Variants in KSR2 observed in about 807,000 individuals in gnomAD.
The protein encoded by KSR2 is kinase suppressor of ras 2.
KSR2 carries 25 observed loss-of-function variants against 107.8 expected under a neutral mutation model. The observed-to-expected ratio is 0.23, with a 90% CI of 0.17 to 0.32. The LOEUF is 0.32. Ranked by LOEUF, KSR2 falls within the 10% of genes least tolerant of loss-of-function variation. The pLI, the probability that KSR2 is intolerant of heterozygous loss-of-function variation, is 1.00. For synonymous variants in KSR2, 480 were observed against 507.0 expected, an observed-to-expected ratio of 0.95 and a Z score of 0.71; for missense variants, 887 against 1,268.9, an observed-to-expected ratio of 0.70 and a Z score of 4.57.
At chr12:117,651,117 C>T (rs906371646) in intron 5 of KSR2, among the ~76,000 whole-genome samples, 2 of 152,052 alleles carry the variant, frequency 1.3e-5, no homozygotes, top group African/African-American at 4.8e-5. Flanking sequence ...ACCCTTTTTG[C>T]CAGAAGGAAC....
chr12:117,754,495 A>G (rs1414663879), intron 4 of KSR2, among the ~76,000 whole-genome samples: 1 of 152,088 alleles, frequency 6.6e-6, no homozygotes, highest in South Asian at 2.1e-4. Context: ...AAAATTAGCC[A>G]GGCGGCATGG....
At chr12:117,478,757 G>T (rs1871966502) in intron 16 of KSR2, among the ~76,000 whole-genome samples, 1 of 152,088 alleles carries the variant, frequency 6.6e-6, no homozygotes, top group Non-Finnish European at 1.5e-5. Context: ...TCCTAGCCCT[G>T]AACTTTTCAT....
At chr12:117,755,417 T>C (rs1276776059) in intron 4 of KSR2, among the ~76,000 whole-genome samples, 1 of 152,212 alleles carries the variant, frequency 6.6e-6, no homozygotes, top group Non-Finnish European at 1.5e-5. Flanking sequence ...TTCTAACTTT[T>C]TCATTATTAT....
chr12:117,757,710 A>C (rs1038422176), intron 4 of KSR2, among the ~76,000 whole-genome samples: 1 of 152,252 alleles, frequency 6.6e-6, no homozygotes, highest in Non-Finnish European at 1.5e-5. Context: ...CTGAAGGCTC[A>C]GATGATCATT....
intron 5 of KSR2, among the ~76,000 whole-genome samples, chr12:117,623,383 C>T (rs533792711): frequency 1.3e-5 from 2 of 152,276 alleles, no homozygotes; most frequent in Non-Finnish European, 2.9e-5. Flanking sequence ...CCTCCCCCAG[C>T]CCCGCACCCC....
intron 3 of KSR2, among the ~76,000 whole-genome samples, chr12:117,764,200 A>G (rs1889145406): frequency 6.6e-6 from 1 of 151,728 alleles, no homozygotes; most frequent in South Asian, 2.1e-4. Context: ...CATCATCCCT[A>G]TCAATAGCTG....
chr12:117,856,212 G>A (rs536813535), intron 2 of KSR2, among the ~76,000 whole-genome samples: 1 of 152,304 alleles, frequency 6.6e-6, no homozygotes, highest in East Asian at 1.9e-4. Context: ...CTGGAGTATA[G>A]CGTGGAGTGG....
At chr12:117,909,438 A>G (rs1894950472) in intron 1 of KSR2, among the ~76,000 whole-genome samples, 1 of 152,126 alleles carries the variant, frequency 6.6e-6, no homozygotes, top group Non-Finnish European at 1.5e-5. Flanking sequence ...ATGACTTCAA[A>G]CTGGCTTTAT....
chr12:117,613,243 A>G (rs969194860), intron 5 of KSR2, among the ~76,000 whole-genome samples: 12 of 152,204 alleles, frequency 7.9e-5, no homozygotes, highest in African/African-American at 2.2e-4. Flanking sequence ...GTTGCAATCT[A>G]TCAAAGCTCT....
intron 3 of KSR2, among the ~76,000 whole-genome samples, chr12:117,808,025 T>C (rs1891070316): frequency 6.6e-6 from 1 of 152,238 alleles, no homozygotes; most frequent in Admixed American, 6.5e-5. Context: ...ATGTTGAACT[T>C]TCATAATCTC....
intron 14 of KSR2, among the ~76,000 whole-genome samples, chr12:117,490,040 T>A (rs1165457418): frequency 6.6e-6 from 1 of 152,218 alleles, no homozygotes; most frequent in Non-Finnish European, 1.5e-5. Flanking sequence ...CTAGCAATGC[T>A]GCAACCCCTA....
At chr12:117,551,989 G>A (rs558318167) in intron 9 of KSR2, among the ~76,000 whole-genome samples, 8 of 152,208 alleles carry the variant, frequency 5.3e-5, no homozygotes, top group Admixed American at 3.9e-4. Context: ...TGAGCTCCTC[G>A]TCCCTCAAAA....
chr12:117,752,940 G>A (rs568246092), intron 4 of KSR2, among the ~76,000 whole-genome samples: 21 of 152,294 alleles, frequency 1.4e-4, no homozygotes, highest in East Asian at 9.6e-4. Flanking sequence ...GTGGCTGTGG[G>A]TGTGGGATCC....
At chr12:117,898,335 CTTTT>C (rs763844468) in intron 1 of KSR2, among the ~76,000 whole-genome samples, 1 of 144,084 alleles carries the variant, frequency 6.9e-6, no homozygotes, top group Admixed American at 6.9e-5. Context: ...TTTTTTTTAA[CTTTT>C]TTTTTTTTTT....
intron 3 of KSR2, among the ~76,000 whole-genome samples, chr12:117,797,869 G>T (rs73402855): frequency 0.068 from 10,263 of 152,004 alleles, 1,223 homozygotes; most frequent in African/African-American, 0.23. Flanking sequence ...TAGTCTGGAA[G>T]TGAACTCTGG....
chr12:117,919,924 A>T (rs892114207), intron 1 of KSR2, among the ~76,000 whole-genome samples: 1 of 152,220 alleles, frequency 6.6e-6, no homozygotes, highest in Admixed American at 6.5e-5. Flanking sequence ...TCTGCAGCAT[A>T]TCCTAGCCTA....
chr12:117,685,277 C>G (rs1007512451), intron 4 of KSR2, among the ~76,000 whole-genome samples: 1 of 152,170 alleles, frequency 6.6e-6, no homozygotes, highest in Non-Finnish European at 1.5e-5. Flanking sequence ...TTCCCAAACC[C>G]ATAAATCGGT....
intron 13 of KSR2, among the ~76,000 whole-genome samples, chr12:117,526,061 T>C (rs1207130776): frequency 6.6e-6 from 1 of 152,182 alleles, no homozygotes; most frequent in Non-Finnish European, 1.5e-5. Context: ...TGTTAAGTTC[T>C]TTGTACAGAC....
At chr12:117,547,236 T>G (rs1318884848) in intron 9 of KSR2, among the ~76,000 whole-genome samples, 6 of 152,202 alleles carry the variant, frequency 3.9e-5, no homozygotes, top group African/African-American at 1.4e-4. Flanking sequence ...TGTTAGTCCC[T>G]GAAGAGGGAA....
Sources: gnomAD v4.1 joint callset for allele counts (sites outside exome capture counted in the v4.1 genomes callset) on GRCh38, gnomAD v4.1.1 for gene constraint, MANE v1.5 for transcripts, NCBI Gene and HGNC (gene_info 2026-07-23, HGNC 2026-07-21) for gene names.